PLXNA4: variants seen among roughly 807,000 people sequenced by gnomAD.
The protein encoded by PLXNA4 is plexin A4.
A neutral mutation model predicts 191.8 loss-of-function variants in PLXNA4; 44 were observed. The ratio of observed to expected loss-of-function variants is 0.23; its 90% CI spans 0.18 to 0.29. PLXNA4 has a LOEUF of 0.29. PLXNA4 is among the 10% of genes least tolerant of loss of function. PLXNA4 has a pLI of 1.00. For synonymous variants in PLXNA4, 1,082 were observed against 1,009.5 expected (o/e 1.07, Z -1.36); for missense variants, 1,800 against 2,488.8 (o/e 0.72, Z 5.89).
intron 3 of PLXNA4, among the ~76,000 whole-genome samples, chr7:132,441,296 G>T (rs1260164175): frequency 1.3e-5 from 2 of 152,222 alleles, no homozygotes; most frequent in Non-Finnish European, 2.9e-5. Flanking sequence ...CAACGAACTT[G>T]TCATAAGATC....
intron 3 of PLXNA4, among the ~76,000 whole-genome samples, chr7:132,347,240 C>T (rs549793151): frequency 4.1e-4 from 63 of 152,300 alleles, no homozygotes; most frequent in African/African-American, 1.5e-3. Context: ...CAAAGCCAGA[C>T]CTTTCTTCCT....
chr7:132,135,555 T>C (rs1217725126), intron 30 of PLXNA4, among the ~76,000 whole-genome samples: 3 of 152,132 alleles, frequency 2.0e-5, no homozygotes, highest in Non-Finnish European at 4.4e-5. Flanking sequence ...GAAGAGACCA[T>C]CACTAGGGAA....
At chr7:132,203,894 A>C (rs1406093815) in intron 10 of PLXNA4, among the ~76,000 whole-genome samples, 1 of 152,172 alleles carries the variant, frequency 6.6e-6, no homozygotes, top group East Asian at 1.9e-4. Flanking sequence ...GGGTAGGTGG[A>C]TGCTTTACCA....
At chr7:132,530,043 C>T (rs1012956010) in intron 1 of PLXNA4, among the ~76,000 whole-genome samples, 2 of 152,122 alleles carry the variant, frequency 1.3e-5, no homozygotes, top group Non-Finnish European at 2.9e-5. Context: ...CCCTTGGGGT[C>T]TGATCTCTTG....
At chr7:132,578,362 T>A (rs934835786), upstream of PLXNA4, among the ~76,000 whole-genome samples, 1 of 152,200 alleles carries the variant, frequency 6.6e-6, no homozygotes, top group African/African-American at 2.4e-5. Context: ...AAGGAGCCCA[T>A]GGCTCTTGGC....
intron 2 of PLXNA4, among the ~76,000 whole-genome samples, chr7:132,506,790 TC>T (rs1230660183): frequency 6.6e-6 from 1 of 152,188 alleles, no homozygotes; most frequent in Admixed American, 6.5e-5. Flanking sequence ...CCCACAGCTC[TC>T]CCATCATCCC....
intron 2 of PLXNA4, among the ~76,000 whole-genome samples, chr7:132,596,855 C>T (rs1315058933): frequency 1.3e-5 from 1 of 78,324 alleles, no homozygotes; most frequent in Non-Finnish European, 2.5e-5. Flanking sequence ...AATCTAAATG[C>T]CATGGTCCTG....
chr7:132,604,972 G>A (rs1377469873), intron 2 of PLXNA4, among the ~76,000 whole-genome samples: 4 of 152,170 alleles, frequency 2.6e-5, no homozygotes, highest in Non-Finnish European at 4.4e-5. Flanking sequence ...AGTCCTAGCA[G>A]TGCACACCAG....
intron 1 of PLXNA4, among the ~76,000 whole-genome samples, chr7:132,559,471 G>A (rs983570304): frequency 3.3e-5 from 5 of 152,260 alleles, no homozygotes; most frequent in Admixed American, 6.5e-5. Context: ...CTGAACTCCC[G>A]GGGTCCCTCA....
chr7:132,226,216 C>G lies in PLXNA4; in HGVS notation c.1927G>C (p.Gly643Arg), dbSNP rs1460318926. 1.2e-6 allele frequency: 2 copies of G among 1,613,758 alleles called. No individual in the cohort carries two copies. Among genetic ancestry groups the G allele is most frequent in the Admixed American group, 3.3e-5 (2 of 59,998 alleles). The change falls in exon 8 of 32, where the codon GGC (glycine) becomes CGC (arginine). Residue 643 changes from glycine to arginine, a missense_variant. This residue lies in a region of PLXNA4 where 1,397 missense variants were observed against 1,880.4 expected (regional missense o/e 0.74). Transcript: ENST00000321063. ...VQLQLKSKET[G>R]MTFASTSFVF... The stretch of plus-strand genomic sequence containing the variant: ...AAGCTGGTGCTGGCGAAGGTCATGC[C>G]GGTCTCCTTTGATTTGAGCTGAAGC...
intron 30 of PLXNA4, among the ~76,000 whole-genome samples, chr7:132,139,226 G>T (rs1795198081): frequency 6.6e-6 from 1 of 151,738 alleles, no homozygotes; most frequent in African/African-American, 2.4e-5. Flanking sequence ...GAGCAGAGGG[G>T]AGAGGGAAAA....
At chr7:132,147,233 A>T (rs1395992396) in intron 27 of PLXNA4, among the ~76,000 whole-genome samples, 1 of 152,242 alleles carries the variant, frequency 6.6e-6, no homozygotes, top group Non-Finnish European at 1.5e-5. Context: ...TGAAATGAGT[A>T]CTGAGCAGGA....
intron 2 of PLXNA4, among the ~76,000 whole-genome samples, chr7:132,606,838 A>C (rs1311747693): frequency 6.6e-6 from 1 of 152,188 alleles, no homozygotes; most frequent in Non-Finnish European, 1.5e-5. Flanking sequence ...GCTCTCATAT[A>C]TTTAGAATTC....
chr7:132,634,803 C>T (rs2116883397), intron 2 of PLXNA4, among the ~76,000 whole-genome samples: 1 of 152,218 alleles, frequency 6.6e-6, no homozygotes, highest in Non-Finnish European at 1.5e-5. Context: ...TGGTTAATAC[C>T]AAGTCTCAAC....
intron 9 of PLXNA4, among the ~76,000 whole-genome samples, chr7:132,217,620 C>T (rs1171770216): frequency 6.6e-6 from 1 of 152,138 alleles, no homozygotes; most frequent in Non-Finnish European, 1.5e-5. Context: ...TTATACTCAC[C>T]TTCTCAGAAC....
chr7:132,228,060 C>T (rs1478097278), intron 6 of PLXNA4, among the ~76,000 whole-genome samples: 1 of 152,186 alleles, frequency 6.6e-6, no homozygotes, highest in Non-Finnish European at 1.5e-5. Flanking sequence ...ATTCCCAACA[C>T]CCTTTGTCAT....
chr7:132,449,522 C>T (rs977855872), intron 3 of PLXNA4, among the ~76,000 whole-genome samples: 5 of 152,176 alleles, frequency 3.3e-5, no homozygotes, highest in African/African-American at 7.2e-5. Context: ...AAGAGATGAA[C>T]GGACAGATCC....
chr7:132,457,147 T>C lies in PLXNA4; in HGVS notation c.1371+32145A>G, dbSNP rs12112816. Among the ~76,000 whole-genome samples, 1,079 of 152,358 alleles carry C rather than the reference T, an allele frequency of 7.1e-3. 14 individuals carry two copies. Among genetic ancestry groups the C allele is most frequent in the African/African-American group, 0.025 (1,035 of 41,582 alleles). ...ATCCCACACCCAGCTTCCCCTTGTG[T>C]TAACATGTTACGTGTAACCATGGTA... On this transcript the variant is annotated intron_variant, in intron 3 of 31. Coordinates refer to ENST00000321063, the MANE Select transcript of PLXNA4 (RefSeq NM_020911.2).
At chr7:132,396,840 A>C (rs1035415827) in intron 3 of PLXNA4, among the ~76,000 whole-genome samples, 1 of 152,222 alleles carries the variant, frequency 6.6e-6, no homozygotes, top group Non-Finnish European at 1.5e-5. Flanking sequence ...AAGCCTGTGC[A>C]CTCTTAACCA....
Sources: allele counts gnomAD v4.1 joint callset (sites outside exome capture counted in the v4.1 genomes callset), GRCh38; gene constraint gnomAD v4.1.1; regional missense constraint gnomAD v4.1.1; transcripts MANE v1.5; gene names NCBI Gene and HGNC (gene_info 2026-07-23, HGNC 2026-07-21).